SV2C: variants seen among roughly 807,000 people sequenced by gnomAD.
SV2C encodes the protein synaptic vesicle glycoprotein 2C, also known as solute carrier family 22 member B3.
Under a neutral mutation model 79.7 loss-of-function variants are expected in SV2C, and 49 were observed. The ratio of observed to expected loss-of-function variants is 0.61; its 90% CI spans 0.49 to 0.78. The LOEUF (loss-of-function observed/expected upper bound fraction) is 0.78, where lower values mean the gene tolerates loss of function less well. SV2C is among the 30% of genes least tolerant of loss of function. The pLI, the probability that SV2C is intolerant of heterozygous loss-of-function variation, is 0.00. For synonymous variants in SV2C, 334 were observed against 333.2 expected (o/e 1.00, Z -0.03); for missense variants, 833 against 912.9 (o/e 0.91, Z 1.13).
At chr5:76,083,864 T>A (rs1190337626) in intron 1 of SV2C, 1 of 152,368 alleles carries the variant, frequency 6.6e-6, no homozygotes, top group Non-Finnish European at 1.5e-5. Context: ...ACGCTCTTTT[T>A]TGCTTGTGTG....
chr5:76,131,836 A>C lies in SV2C; in HGVS notation c.86A>C (p.Lys29Thr). The C allele has an allele frequency of 6.2e-7, 1 of 1,614,140 alleles. No homozygotes were observed. The highest frequency in any genetic ancestry group is 8.5e-7 in the Non-Finnish European group (1 of 1,180,010). The change falls in exon 2 of 13, where the codon AAG becomes ACG. Residue 29 changes from lysine to threonine, a missense_variant. Coordinates refer to ENST00000502798, the MANE Select transcript of SV2C (RefSeq NM_014979.4). ...AREVKKQTVK[K>T]VNQAVDRAQD... ...GAGGTGAAGAAACAAACAGTAAAGA[A>C]GGTGAATCAAGCTGTGGACCGAGCC...
At chr5:76,000,875 C>A in the SV2C span, among the ~76,000 whole-genome samples, 3 of 152,126 alleles carry the variant, frequency 2.0e-5, no homozygotes, top group Admixed American at 6.6e-5. Flanking sequence ...TGTTCCTCCA[C>A]ACAATTATTC....
At chr5:76,324,610 A>C (rs759460490) in intron 12 of SV2C, among the ~76,000 whole-genome samples, 27 of 152,078 alleles carry the variant, frequency 1.8e-4, no homozygotes, top group Admixed American at 4.6e-4. Flanking sequence ...TTGGGAGGCC[A>C]AGACAAGAGG....
At chr5:76,014,741 A>T in the SV2C span, among the ~76,000 whole-genome samples, 1 of 152,288 alleles carries the variant, frequency 6.6e-6, no homozygotes, top group East Asian at 1.9e-4. Flanking sequence ...TGTTCTGCCT[A>T]CTTGATCAGC....
the SV2C span, among the ~76,000 whole-genome samples, chr5:75,993,525 A>G: frequency 6.6e-6 from 1 of 152,060 alleles, no homozygotes; most frequent in Non-Finnish European, 1.5e-5. Flanking sequence ...CGAAACGGAC[A>G]CTGGCTCAAA....
the SV2C span, among the ~76,000 whole-genome samples, chr5:75,993,060 A>T: frequency 1.3e-5 from 2 of 152,150 alleles, no homozygotes; most frequent in African/African-American, 4.8e-5. Context: ...GCTTTGTATC[A>T]TAAACTATAC....
chr5:75,970,797 A>G, the SV2C span, among the ~76,000 whole-genome samples: 1,752 of 152,234 alleles, frequency 0.012, 12 homozygotes, highest in Non-Finnish European at 0.018. Context: ...CAATAGAAAA[A>G]GAGGGAATCC....
intron 4 of SV2C, among the ~76,000 whole-genome samples, chr5:76,257,281 GTGTGTGTGTA>G (rs1284034077): frequency 6.8e-6 from 1 of 147,940 alleles, no homozygotes; most frequent in African/African-American, 2.6e-5. Flanking sequence ...GTGTGTGTGT[GTGTGTGTGTA>G]GTGTGTGTGT....
At chr5:76,046,393 T>A in the SV2C span, among the ~76,000 whole-genome samples, 1 of 152,166 alleles carries the variant, frequency 6.6e-6, no homozygotes, top group Non-Finnish European at 1.5e-5. Context: ...GAACGCTTCA[T>A]GGAAGAGGTG....
the SV2C span, among the ~76,000 whole-genome samples, chr5:75,939,288 G>C: frequency 6.6e-6 from 1 of 152,260 alleles, no homozygotes; most frequent in Admixed American, 6.5e-5. Context: ...GTTGCTAGCA[G>C]ATTCAGTTCC....
chr5:76,301,518 C>T lies in SV2C; in HGVS notation c.1973C>T (p.Thr658Ile), dbSNP rs1580049995. 1.9e-6 allele frequency: 3 copies of T among 1,614,008 alleles called. No homozygotes were observed. Among genetic ancestry groups the T allele is most frequent in the Non-Finnish European group, 2.5e-6 (3 of 1,179,988 alleles). ...GCCTGGAACTCTCTTGACGTGGTCACTGTGGAACTGTACCCCACAGACCGG... is the reference window on the plus strand; with the variant it reads ...GCCTGGAACTCTCTTGACGTGGTCATTGTGGAACTGTACCCCACAGACCGG... Reference protein sequence around the residue: ...ISAWNSLDVVTVELYPTDRRA... With the variant: ...ISAWNSLDVVIVELYPTDRRA... Residue 658 changes from threonine to isoleucine, a missense_variant, in exon 12 of 13, where the codon ACT becomes ATT. Physicochemically the swap from Thr to Ile is moderately conservative, Grantham distance 89. Transcript: ENST00000502798.
At chr5:75,969,930 A>T in the SV2C span, among the ~76,000 whole-genome samples, 1 of 152,012 alleles carries the variant, frequency 6.6e-6, no homozygotes, top group Non-Finnish European at 1.5e-5. Flanking sequence ...GAAGTAAAGC[A>T]CTCCTCAGCA....
chr5:76,301,072 T>C, intron 11 of SV2C, 140 bp downstream of exon 11: 1 of 943,044 alleles, frequency 1.1e-6, no homozygotes, highest in Non-Finnish European at 1.6e-6. Flanking sequence ...GACTAAATTA[T>C]AGTGAAAATT....
intron 4 of SV2C, among the ~76,000 whole-genome samples, chr5:76,284,128 C>T (rs909240727): frequency 2.6e-5 from 4 of 152,076 alleles, no homozygotes; most frequent in Admixed American, 1.3e-4. Context: ...TCATTTAGAA[C>T]CAGCCATTGG....
At chr5:75,849,961 T>C in the SV2C span, among the ~76,000 whole-genome samples, 41 of 152,320 alleles carry the variant, frequency 2.7e-4, no homozygotes, top group Non-Finnish European at 6.0e-4. Flanking sequence ...TTTATTATTT[T>C]TATCATAACT....
chr5:76,099,796 TC>T (rs1452749627), intron 1 of SV2C, among the ~76,000 whole-genome samples: 1 of 152,222 alleles, frequency 6.6e-6, no homozygotes, highest in Non-Finnish European at 1.5e-5. Flanking sequence ...AGGTTTTCCT[TC>T]TCTTCATCCG....
intron 2 of SV2C, among the ~76,000 whole-genome samples, chr5:76,165,355 T>C (rs879560198): frequency 6.6e-6 from 1 of 152,194 alleles, no homozygotes; most frequent in Non-Finnish European, 1.5e-5. Flanking sequence ...TCCACTGTTG[T>C]TTCTGTTTGT....
intron 3 of SV2C, among the ~76,000 whole-genome samples, chr5:76,196,555 G>A (rs559122555): frequency 6.6e-6 from 1 of 152,160 alleles, no homozygotes; most frequent in Non-Finnish European, 1.5e-5. Flanking sequence ...AATGAATGAA[G>A]AACAGATGTT....
chr5:76,050,117 TAATGCCC>T, the SV2C span, among the ~76,000 whole-genome samples: 2 of 152,196 alleles, frequency 1.3e-5, no homozygotes, highest in African/African-American at 4.8e-5. Flanking sequence ...GTGGTTGAAA[TAATGCCC>T]AACACATAGT....
Sources: allele counts gnomAD v4.1 joint callset (sites outside exome capture counted in the v4.1 genomes callset), GRCh38; gene constraint gnomAD v4.1.1; transcripts MANE v1.5; gene names NCBI Gene and HGNC (gene_info 2026-07-23, HGNC 2026-07-21).